DOCK1: variants seen among roughly 807,000 people sequenced by gnomAD.
DOCK1 encodes dedicator of cytokinesis 1, also known as dedicator of cytokinesis protein 1.
A neutral mutation model predicts 262.7 loss-of-function variants in DOCK1; 138 were observed. The ratio of observed to expected loss-of-function variants is 0.53; its 90% CI spans 0.46 to 0.61. The LOEUF (loss-of-function observed/expected upper bound fraction) is 0.61. Among genes scored for constraint, DOCK1 ranks in the 20% least tolerant of loss-of-function variants. DOCK1 has a pLI of 0.00. For synonymous variants in DOCK1, 866 were observed against 867.4 expected (o/e 1.00, Z 0.03); for missense variants, 1,908 against 2,370.7 (o/e 0.80, Z 4.05).
intron 28 of DOCK1, among the ~76,000 whole-genome samples, chr10:127,249,244 T>A (rs546888761): frequency 6.6e-6 from 1 of 152,256 alleles, no homozygotes; most frequent in South Asian, 2.1e-4. Flanking sequence ...CATAATTTTC[T>A]TATTGTTGCC....
intron 38 of DOCK1, among the ~76,000 whole-genome samples, chr10:127,386,045 A>T (rs1386500695): frequency 1.3e-5 from 2 of 152,186 alleles, no homozygotes; most frequent in Admixed American, 1.3e-4. Flanking sequence ...AATTGTACTG[A>T]TGCCCGGGAG....
intron 11 of DOCK1, among the ~76,000 whole-genome samples, chr10:127,009,810 A>T (rs1448294663): frequency 2.0e-5 from 3 of 152,020 alleles, no homozygotes; most frequent in Non-Finnish European, 4.4e-5. Flanking sequence ...GGGCCCGGAG[A>T]TGTGAGGTTG....
intron 18 of DOCK1, among the ~76,000 whole-genome samples, chr10:127,032,961 C>A (rs1056451035): frequency 2.6e-5 from 4 of 152,208 alleles, no homozygotes; most frequent in African/African-American, 9.7e-5. Context: ...GATTTGGAGT[C>A]AGACTAAAAA....
At chr10:127,364,246 C>G (rs1327413283) in intron 33 of DOCK1, among the ~76,000 whole-genome samples, 2 of 152,194 alleles carry the variant, frequency 1.3e-5, no homozygotes, top group Non-Finnish European at 2.9e-5. Context: ...CTGCTGGAGC[C>G]GTTTCCTTTA....
In DOCK1 at chr10:126,970,748, G is replaced by C. The variant is rs1043592156; in HGVS notation, c.93G>C (p.Gln31His). 1 of 1,613,652 alleles carries C rather than the reference G, an allele frequency of 6.2e-7. No homozygotes were observed. The highest frequency in any genetic ancestry group is 1.1e-5 in the South Asian group (1 of 91,022). The change falls in exon 2 of 52, where the codon CAG becomes CAC. Residue 31 changes from glutamine (Q) to histidine (H), a missense_variant. Gln to His is a conservative substitution (Grantham distance 24, BLOSUM62 0). This residue lies in a region of DOCK1 where 227 missense variants were observed against 254.1 expected (regional missense o/e 0.89). Transcript: ENST00000623213. ...DARGADELSL[Q>H]IGDTVHILET... ...GAGGAGCGGATGAACTTTCTTTACA[G>C]ATCGGAGACACTGTGCACATCTTAG...
Position 127,037,797 on chromosome 10 carries a change from AT to A in DOCK1, c.1992del (p.Asp664GlufsTer5). The A allele has an allele frequency of 6.4e-7, 1 of 1,564,862 alleles. No individual in the cohort carries two copies. The highest frequency in any genetic ancestry group is 8.7e-7 in the Non-Finnish European group (1 of 1,152,644). On this transcript the variant is annotated frameshift_variant, in exon 19 of 52. Coordinates refer to ENST00000623213, the MANE Select transcript of DOCK1 (RefSeq NM_001290223.2). LOFTEE classifies it high-confidence loss of function. ...AACTTGAGGCAGCTGATGAAAGTCGATGGTGGTGAAGTAGTGAAGGTAACAT... is the reference window on the plus strand; with the variant it reads ...AACTTGAGGCAGCTGATGAAAGTCGAGGTGGTGAAGTAGTGAAGGTAACAT... ...QQNLRQLMKV[D>X]GGEVVKFLQD...
intron 37 of DOCK1, 60 bp downstream of exon 37, chr10:127,381,428 G>T: frequency 1.3e-6 from 2 of 1,503,178 alleles, no homozygotes; most frequent in Admixed American, 1.9e-5. Context: ...ACAATATTCA[G>T]AATTGTATTT....
At chr10:127,125,710 A>G (rs1385868941) in intron 26 of DOCK1, 109 bp downstream of exon 26, 3 of 1,422,770 alleles carry the variant, frequency 2.1e-6, no homozygotes, top group Admixed American at 5.7e-5. Context: ...TTTAAGGTCT[A>G]GCCTCTCTTT....
At chr10:126,996,397 A>G (rs2040195760) in intron 6 of DOCK1, among the ~76,000 whole-genome samples, 1 of 151,432 alleles carries the variant, frequency 6.6e-6, no homozygotes, top group African/African-American at 2.4e-5. Flanking sequence ...AAAAAAAAAA[A>G]AAAAAAGTAT....
chr10:127,361,055 TA>T (rs146244650), intron 32 of DOCK1, among the ~76,000 whole-genome samples: 1 of 151,684 alleles, frequency 6.6e-6, no homozygotes, highest in African/African-American at 2.4e-5. Flanking sequence ...CTGAGTTCTT[TA>T]AAAATCATAT....
chr10:127,161,666 G>A (rs1204676264), intron 27 of DOCK1, among the ~76,000 whole-genome samples: 1 of 152,108 alleles, frequency 6.6e-6, no homozygotes, highest in Non-Finnish European at 1.5e-5. Context: ...TGAGAGTTCT[G>A]CTGGAGCAGC....
intron 27 of DOCK1, among the ~76,000 whole-genome samples, chr10:127,130,208 C>T (rs992836427): frequency 4.6e-5 from 7 of 151,712 alleles, no homozygotes; most frequent in East Asian, 1.9e-4. Flanking sequence ...CTCGGACTCC[C>T]GAGAAGCTGG....
At chr10:127,410,954 CA>C (rs2067810257) in intron 43 of DOCK1, 30 bp downstream of exon 43, 1 of 1,603,202 alleles carries the variant, frequency 6.2e-7, no homozygotes, top group African/African-American at 1.3e-5. Flanking sequence ...CCAAACCAAA[CA>C]ACAAAAAATA....
Position 127,032,277 on chromosome 10 carries a change from C to T in DOCK1, c.1869C>T (p.Phe623=), listed in dbSNP as rs1263434717. 5.0e-6 allele frequency: 8 copies of T among 1,591,962 alleles called. No individual in the cohort carries two copies. In the South Asian group the frequency reaches 9.2e-5, roughly 18 times the overall value. ...GCTGCACCATTAGCAAGGACTCCTT[C>T]CAGATCTCCACGCTCGTGTGCTCCA... is the stretch of plus-strand genomic sequence containing the variant. ...LGSCTISKDS[F]QISTLVCSTK... The change falls in exon 18 of 52, where the codon TTC becomes TTT. Residue 623 remains phenylalanine (F), a synonymous_variant. Transcript: ENST00000623213.
At chr10:127,398,678 A>G (rs969306683) in intron 38 of DOCK1, among the ~76,000 whole-genome samples, 1 of 152,244 alleles carries the variant, frequency 6.6e-6, no homozygotes, top group Admixed American at 6.5e-5. Context: ...CTGAAATTCA[A>G]GCATCCTGTG....
At chr10:127,258,722 A>G (rs2059911248) in intron 29 of DOCK1, among the ~76,000 whole-genome samples, 1 of 152,176 alleles carries the variant, frequency 6.6e-6, no homozygotes, top group Non-Finnish European at 1.5e-5. Context: ...CTGCCAATCT[A>G]TGGCTGTACC....
At chr10:127,110,095 A>C in intron 24 of DOCK1, 153 bp from the exon 25 acceptor site, 1 of 624,806 alleles carries the variant, frequency 1.6e-6, no homozygotes, top group South Asian at 2.0e-5. Flanking sequence ...CATTTCTTGG[A>C]ATGAGTTATT....
intron 1 of DOCK1, among the ~76,000 whole-genome samples, chr10:126,937,794 G>A (rs1223767084): frequency 6.6e-6 from 1 of 152,070 alleles, no homozygotes; most frequent in African/African-American, 2.4e-5. Context: ...ATTCTGTGGT[G>A]TTGCCTTTCT....
intron 29 of DOCK1, among the ~76,000 whole-genome samples, chr10:127,333,388 CAG>C (rs991480750): frequency 4.6e-5 from 7 of 152,142 alleles, no homozygotes; most frequent in Non-Finnish European, 1.0e-4. Context: ...CACTGGGTAA[CAG>C]GGGTGCTAGA....
Sources: gnomAD v4.1 joint callset for allele counts (sites outside exome capture counted in the v4.1 genomes callset) on GRCh38, gnomAD v4.1.1 for gene constraint, gnomAD v4.1.1 regional missense constraint, MANE v1.5 for transcripts, NCBI Gene and HGNC (gene_info 2026-07-23, HGNC 2026-07-21) for gene names.